The following CFAP299 variants were observed in gnomAD, a reference collection of about 807,000 sequenced individuals.
CFAP299 encodes the protein cilia and flagella associated protein 299.
CFAP299 carries 21 observed loss-of-function variants against 27.0 expected under a neutral mutation model. The ratio of observed to expected loss-of-function variants is 0.78; its 90% confidence interval spans 0.55 to 1.12. CFAP299 has a LOEUF of 1.12. CFAP299 is among the 50% of genes most tolerant of loss of function. The pLI is 0.00. For synonymous variants in CFAP299, 104 were observed against 98.1 expected, an observed-to-expected ratio of 1.06 and a Z score of -0.36; for missense variants, 310 against 276.6, an observed-to-expected ratio of 1.12 and a Z score of -0.86.
chr4:80,390,478 C>CCTCT (rs60538104), intron 2 of CFAP299, among the ~76,000 whole-genome samples: 1 of 137,326 alleles, frequency 7.3e-6, no homozygotes, highest in African/African-American at 3.2e-5. Flanking sequence ...GCAATTCTCT[C>CCTCT]CTCTCTCTCT....
At chr4:80,683,071 G>A (rs9993241) in intron 3 of CFAP299, among the ~76,000 whole-genome samples, 92,529 of 152,016 alleles carry the variant, frequency 0.61, 32,146 homozygotes, top group Non-Finnish European at 0.77. Flanking sequence ...ATTTTGTTAA[G>A]TTCTTTCTGC....
intron 2 of CFAP299, among the ~76,000 whole-genome samples, chr4:80,453,167 A>G (rs1728979683): frequency 6.6e-6 from 1 of 152,228 alleles, no homozygotes; most frequent in Non-Finnish European, 1.5e-5. Context: ...CAGGGCTGTC[A>G]AGTAAGCAGT....
In CFAP299 at chr4:80,938,104, A is replaced by G. The variant is rs564928779; in HGVS notation, c.477-6706A>G. On this transcript the variant is annotated intron_variant, in intron 4 of 5. Coordinates refer to ENST00000358105, the MANE Select transcript of CFAP299 (RefSeq NM_152770.3). ...TCCATTAACAAGTTATTCTAGCTAT[A>G]GTTATTTTTAATACTTTTTTCTTTA... 2.0e-5 allele frequency among the ~76,000 whole-genome samples: 3 copies of G among 152,332 alleles called. No individual in the cohort carries two copies. The Middle Eastern group carries it at 0.01, about 522-fold the overall frequency.
At chr4:80,800,379 A>C (rs1441211332) in intron 3 of CFAP299, among the ~76,000 whole-genome samples, 2 of 67,194 alleles carry the variant, frequency 3.0e-5, no homozygotes, top group Non-Finnish European at 2.3e-5. Context: ...AATATATATA[A>C]TATATAATAT....
In CFAP299 at chr4:80,687,907, A is replaced by C. The variant is rs550763108; in HGVS notation, c.333+104724A>C. Among the ~76,000 whole-genome samples the C allele has an allele frequency of 2.6e-4, 39 of 152,316 alleles. No individual in the cohort carries two copies. The South Asian group carries it at 7.7e-3, about 30-fold the overall frequency. ...CAGGGGGGTCAGGGAGTTCCCTTTC[A>C]TAGTCAAAGAAAGGGGTGACAGACG... is the stretch of plus-strand genomic sequence containing the variant. On this transcript the variant is annotated intron_variant, in intron 3 of 5. Transcript: ENST00000358105.
chr4:80,524,334 C>G (rs982315279), intron 2 of CFAP299, among the ~76,000 whole-genome samples: 12 of 151,842 alleles, frequency 7.9e-5, no homozygotes, highest in African/African-American at 2.9e-4. Flanking sequence ...TGTAACTAGC[C>G]CAGAGTTTCT....
At chr4:80,728,511 T>A (rs1723290459) in intron 3 of CFAP299, among the ~76,000 whole-genome samples, 2 of 152,204 alleles carry the variant, frequency 1.3e-5, no homozygotes, top group Admixed American at 1.3e-4. Flanking sequence ...ATTTATTTAT[T>A]TCTAATATCC....
intron 2 of CFAP299, among the ~76,000 whole-genome samples, chr4:80,541,049 A>G (rs1733972474): frequency 6.6e-6 from 1 of 152,182 alleles, no homozygotes; most frequent in African/African-American, 2.4e-5. Context: ...TGCTACAAAA[A>G]GAGAAATTTG....
At chr4:80,486,998 C>T (rs1730852503) in intron 2 of CFAP299, among the ~76,000 whole-genome samples, 1 of 152,346 alleles carries the variant, frequency 6.6e-6, no homozygotes, top group Non-Finnish European at 1.5e-5. Context: ...GCCAGCTTCT[C>T]TGAGAGTAGT....
At chr4:80,955,336 C>T (rs889900899) in intron 5 of CFAP299, among the ~76,000 whole-genome samples, 6 of 152,178 alleles carry the variant, frequency 3.9e-5, no homozygotes, top group African/African-American at 1.4e-4. Flanking sequence ...AGCACTTCAC[C>T]TCTGTCTTCT....
chr4:80,524,993 T>C (rs571412099), intron 2 of CFAP299, among the ~76,000 whole-genome samples: 9 of 152,160 alleles, frequency 5.9e-5, no homozygotes, highest in Non-Finnish European at 1.3e-4. Flanking sequence ...GACAAGGCCC[T>C]GGCTTTTTGC....
intron 3 of CFAP299, among the ~76,000 whole-genome samples, chr4:80,689,025 A>G (rs1314391814): frequency 1.3e-5 from 2 of 152,360 alleles, no homozygotes; most frequent in East Asian, 1.9e-4. Context: ...AAAGCCTCCA[A>G]GAAATATGGG....
intron 2 of CFAP299, among the ~76,000 whole-genome samples, chr4:80,414,292 G>T (rs542668841): frequency 6.6e-6 from 1 of 151,430 alleles, no homozygotes; most frequent in Non-Finnish European, 1.5e-5. Context: ...GGATGGTCTC[G>T]ATCTCCTGAC....
At chr4:80,710,968 G>A (rs1312056895) in intron 3 of CFAP299, among the ~76,000 whole-genome samples, 1 of 152,132 alleles carries the variant, frequency 6.6e-6, no homozygotes, top group African/African-American at 2.4e-5. Flanking sequence ...GACTCAGCGA[G>A]TTTAGAGCAC....
intron 3 of CFAP299, among the ~76,000 whole-genome samples, chr4:80,606,577 A>C (rs1331129088): frequency 6.6e-6 from 1 of 152,192 alleles, no homozygotes; most frequent in African/African-American, 2.4e-5. Context: ...TAATAGGTAT[A>C]TAGATACAAA....
chr4:80,364,884 T>A (rs965712289), intron 2 of CFAP299, among the ~76,000 whole-genome samples: 7 of 152,206 alleles, frequency 4.6e-5, no homozygotes, highest in Admixed American at 3.3e-4. Flanking sequence ...TGTGTAAGTT[T>A]GCTGAGGAAA....
chr4:80,402,315 T>C (rs1232302077), intron 2 of CFAP299, among the ~76,000 whole-genome samples: 2 of 152,184 alleles, frequency 1.3e-5, no homozygotes, highest in Non-Finnish European at 2.9e-5. Context: ...AAATCTCAAC[T>C]TGAATTGCAT....
At chr4:80,871,321 A>T (rs1431800634) in intron 4 of CFAP299, 18 of 985,252 alleles carry the variant, frequency 1.8e-5, no homozygotes, top group Non-Finnish European at 2.0e-5. Flanking sequence ...TTTTGGTTGT[A>T]TCTGACCTAC....
chr4:80,614,195 A>G (rs984491946), intron 3 of CFAP299, among the ~76,000 whole-genome samples: 1 of 152,126 alleles, frequency 6.6e-6, no homozygotes, highest in Non-Finnish European at 1.5e-5. Flanking sequence ...AAATAATGCT[A>G]TTTTTTTCTA....
Sources: gnomAD v4.1 joint callset for allele counts (sites outside exome capture counted in the v4.1 genomes callset) on GRCh38, gnomAD v4.1.1 for gene constraint, MANE v1.5 for transcripts, NCBI Gene and HGNC (gene_info 2026-07-23, HGNC 2026-07-21) for gene names.